ARHGAP20: variants seen among roughly 807,000 people sequenced by gnomAD.
The protein encoded by ARHGAP20 is rho GTPase-activating protein 20.
ARHGAP20 carries 34 observed loss-of-function variants against 73.7 expected under a neutral mutation model. That is an observed-to-expected ratio of 0.46 (90% CI 0.35 to 0.61). ARHGAP20 has a LOEUF of 0.61. Among genes scored for constraint, ARHGAP20 ranks in the 20% least tolerant of loss-of-function variants. ARHGAP20 has a pLI of 0.00. For synonymous variants in ARHGAP20, 523 were observed against 518.2 expected (o/e 1.01, Z -0.13); for missense variants, 1,314 against 1,420.9 (o/e 0.92, Z 1.21).
At chr11:110,614,031 T>C (rs1044321100) in intron 6 of ARHGAP20, among the ~76,000 whole-genome samples, 2 of 152,180 alleles carry the variant, frequency 1.3e-5, no homozygotes, top group African/African-American at 4.8e-5. Flanking sequence ...TGTGAAGTAG[T>C]AAAATGCTGA....
At chr11:110,670,262 A>G (rs998630203) in intron 2 of ARHGAP20, among the ~76,000 whole-genome samples, 1 of 152,122 alleles carries the variant, frequency 6.6e-6, no homozygotes, top group Non-Finnish European at 1.5e-5. Context: ...TATAAAGTCA[A>G]CACAATATAG....
chr11:110,602,828 G>A (rs532184026), intron 9 of ARHGAP20, among the ~76,000 whole-genome samples: 1 of 152,296 alleles, frequency 6.6e-6, no homozygotes, highest in African/African-American at 2.4e-5. Flanking sequence ...TCAATGCTGA[G>A]TTTGAAGTGA....
chr11:110,666,780 G>A lies in ARHGAP20; in HGVS notation c.188+23767C>T, dbSNP rs544305443. 5.9e-5 allele frequency among the ~76,000 whole-genome samples: 9 copies of A among 152,270 alleles called. No individual in the cohort carries two copies. In the South Asian group the frequency reaches 1.9e-3, roughly 32 times the overall value. On this transcript the variant is annotated intron_variant, in intron 2 of 14. Transcript: ENST00000683387. ...TGATCTGTGATCAGTAATCTTTGAT[G>A]TTACTATTGTAATTGTTTTGGGGCA... is the stretch of plus-strand genomic sequence containing the variant.
At chr11:110,649,072 T>G (rs920066515) in intron 2 of ARHGAP20, among the ~76,000 whole-genome samples, 14 of 152,128 alleles carry the variant, frequency 9.2e-5, no homozygotes, top group Non-Finnish European at 5.9e-5. Context: ...TCTAACATTT[T>G]AATTTAAATA....
chr11:110,578,269 C>A lies in ARHGAP20; in HGVS notation c.*1101G>T, dbSNP rs1400684107. Reference sequence around the variant, plus strand: ...CAAAGCAAATGGCTGTCTGAGAAGGCCTGGCAGCCACTTTGTTGGGTATTC... The same window carrying A: ...CAAAGCAAATGGCTGTCTGAGAAGGACTGGCAGCCACTTTGTTGGGTATTC... On this transcript the variant is annotated 3_prime_UTR_variant, in exon 15 of 15. Transcript: ENST00000683387. 1 of 985,322 alleles carries A rather than the reference C, an allele frequency of 1.0e-6. No homozygotes were observed. The allele number at this position is 985,322 out of a possible 1,614,324, so 61.0% of individuals were successfully genotyped here.
Position 110,579,997 on chromosome 11 carries a change from T to C in ARHGAP20, c.2949A>G (p.Arg983=). Residue 983 remains arginine, a synonymous_variant, in exon 15 of 15, where the codon AGA becomes AGG. Coordinates refer to ENST00000683387, the MANE Select transcript of ARHGAP20 (RefSeq NM_001384657.1). Reference sequence around the variant, plus strand: ...AGTCAGGAGAAAGGTCTTCCCGTTTTCTCTGAGCCTGAAAAGTGCAATCTA... The same window carrying C: ...AGTCAGGAGAAAGGTCTTCCCGTTTCCTCTGAGCCTGAAAAGTGCAATCTA... ...SPIDCTFQAQ[R]KREDLSPDFS... 1 of 1,614,190 alleles carries C rather than the reference T, an allele frequency of 6.2e-7. No individual in the cohort carries two copies.
Position 110,653,973 on chromosome 11 carries a change from G to A in ARHGAP20, c.189-23181C>T, listed in dbSNP as rs1418214065. On this transcript the variant is annotated intron_variant, in intron 2 of 14. Transcript: ENST00000683387. ...AGGAACAGAAAACCAAACACTCCAT[G>A]TTCTCACTTATAAGTGAGAGCTGAA... Among the ~76,000 whole-genome samples the A allele has an allele frequency of 2.6e-5, 4 of 152,042 alleles. 1 individual carries two copies. Among genetic ancestry groups the A allele is most frequent in the Admixed American group, 2.6e-4 (4 of 15,240 alleles).
intron 2 of ARHGAP20, among the ~76,000 whole-genome samples, chr11:110,657,740 C>T (rs1286162813): frequency 1.3e-5 from 2 of 151,866 alleles, no homozygotes; most frequent in Non-Finnish European, 1.5e-5. Flanking sequence ...ACGAAAAATA[C>T]AAAAATTAGC....
chr11:110,690,566 G>C lies in ARHGAP20; in HGVS notation c.169C>G (p.Gln57Glu), dbSNP rs745694826. The C allele has an allele frequency of 1.9e-6, 3 of 1,614,018 alleles. No individual in the cohort carries two copies. The South Asian group carries it at 3.3e-5, about 18-fold the overall frequency. ...ACTTACCTGGTAGTAGGCCGTTTTT[G>C]TAGGGCTTTATCCAGGATAAGAGAT... ...APSLILDKAL[Q>E]KRPTTRDSPS... Residue 57 changes from glutamine (Q) to glutamate (E), a missense_variant, in exon 2 of 15, where the codon CAA becomes GAA. Transcript: ENST00000683387.
intron 1 of ARHGAP20, among the ~76,000 whole-genome samples, chr11:110,698,255 T>C (rs1950375747): frequency 6.6e-6 from 1 of 151,874 alleles, no homozygotes; most frequent in Admixed American, 6.6e-5. Flanking sequence ...CATCATTGCA[T>C]CCCTGGGATA....
chr11:110,622,329 CTT>C (rs1591322502), intron 4 of ARHGAP20, among the ~76,000 whole-genome samples: 1 of 152,200 alleles, frequency 6.6e-6, no homozygotes, highest in Non-Finnish European at 1.5e-5. Context: ...TTCCTCAACA[CTT>C]CACTTTTTTA....
chr11:110,705,800 C>A (rs1184578986), intron 1 of ARHGAP20, among the ~76,000 whole-genome samples: 1 of 152,086 alleles, frequency 6.6e-6, no homozygotes. Context: ...GGATTCAGTG[C>A]ACCCACACAT....
intron 2 of ARHGAP20, among the ~76,000 whole-genome samples, chr11:110,637,060 A>C (rs1948983648): frequency 6.6e-6 from 1 of 152,048 alleles, no homozygotes; most frequent in Non-Finnish European, 1.5e-5. Context: ...GGGTTTGTGA[A>C]ACCATTTCTG....
At chr11:110,664,644 C>T (rs35791778) in intron 2 of ARHGAP20, among the ~76,000 whole-genome samples, 27,132 of 148,156 alleles carry the variant, frequency 0.18, 2,547 homozygotes, top group South Asian at 0.29. Context: ...AGGAGAATGG[C>T]GTGAACCCGG....
In ARHGAP20 at chr11:110,580,449, C is replaced by T. The variant is rs1054824743; in HGVS notation, c.2497G>A (p.Ala833Thr). The T allele has an allele frequency of 2.5e-6, 4 of 1,613,978 alleles. No individual in the cohort carries two copies. The African/African-American group carries it at 4.0e-5, about 16-fold the overall frequency. ...NTSGYSPPHTADALKGPRTHR... is the reference protein window; with the variant it reads ...NTSGYSPPHTTDALKGPRTHR... ...GTCCTTGGACCCTTGAGGGCATCTGCTGTGTGTGGTGGGGAGTATCCAGAT... is the reference window on the plus strand; with the variant it reads ...GTCCTTGGACCCTTGAGGGCATCTGTTGTGTGTGGTGGGGAGTATCCAGAT... Residue 833 changes from alanine to threonine, a missense_variant, in exon 15 of 15, where the codon GCA (alanine) becomes ACA (threonine). Physicochemically the swap from Ala to Thr is moderately conservative, Grantham distance 58. Around this residue, in one of 3 missense-constraint regions of ARHGAP20, gnomAD observed 641 missense variants for 636.9 expected, o/e 1.01. Coordinates refer to ENST00000683387, the MANE Select transcript of ARHGAP20 (RefSeq NM_001384657.1).
rs1591287071 is a variant in ARHGAP20, at chr11:110,578,758, T to A, written c.*612A>T. 1.0e-6 allele frequency: 1 copy of A among 985,302 alleles called. No homozygotes were observed. The highest frequency in any genetic ancestry group is 1.1e-4 in the East Asian group (1 of 8,824). The allele number at this position is 985,302 out of a possible 1,614,324, so 61.0% of individuals were successfully genotyped here. On this transcript the variant is annotated 3_prime_UTR_variant, in exon 15 of 15. Coordinates refer to ENST00000683387, the MANE Select transcript of ARHGAP20 (RefSeq NM_001384657.1). ...ATGGTACCCATGGCTTTTGAGTCAC[T>A]CTGTTTTTCTCCACTCTAGCTGTAG...
chr11:110,696,536 G>T (rs1950339230), intron 1 of ARHGAP20, among the ~76,000 whole-genome samples: 1 of 151,526 alleles, frequency 6.6e-6, no homozygotes, highest in Non-Finnish European at 1.5e-5. Context: ...TGAGGAATTT[G>T]CCCACCTGCT....
intron 2 of ARHGAP20, among the ~76,000 whole-genome samples, chr11:110,647,975 GA>G (rs1014687269): frequency 6.6e-6 from 1 of 151,672 alleles, no homozygotes; most frequent in African/African-American, 2.4e-5. Context: ...ATGTTATAAA[GA>G]AAGGAAGTCA....
At chr11:110,603,364 TTGCTGTAGATATGA>T (rs1948152317) in intron 9 of ARHGAP20, among the ~76,000 whole-genome samples, 1 of 152,184 alleles carries the variant, frequency 6.6e-6, no homozygotes, top group South Asian at 2.1e-4. Context: ...AAGTTAGTTT[TTGCTGTAGATATGA>T]TGATGTTTCA....
Sources: allele counts gnomAD v4.1 joint callset (sites outside exome capture counted in the v4.1 genomes callset), GRCh38; gene constraint gnomAD v4.1.1; regional missense constraint gnomAD v4.1.1; transcripts MANE v1.5; gene names NCBI Gene and HGNC (gene_info 2026-07-23, HGNC 2026-07-21).